STXBP4: variants seen among roughly 807,000 people sequenced by gnomAD.
STXBP4 encodes syntaxin binding protein 4.
In STXBP4, 55 loss-of-function variants were observed where a neutral mutation model predicts 76.1. The observed-to-expected ratio is 0.72, with a 90% CI of 0.58 to 0.91. STXBP4 has a LOEUF of 0.91. STXBP4 is among the 40% of genes least tolerant of loss of function. The probability of loss-of-function intolerance (pLI) is 0.00; values close to 1 mark genes in which losing one functional copy is unlikely to be tolerated. For missense variants in STXBP4, 618 were observed against 636.9 expected (o/e 0.97, Z 0.32); for synonymous variants, 201 against 220.2 (o/e 0.91, Z 0.77).
chr17:55,055,485 A>G (rs1261076891), intron 12 of STXBP4, among the ~76,000 whole-genome samples: 1 of 152,154 alleles, frequency 6.6e-6, no homozygotes, highest in Non-Finnish European at 1.5e-5. Flanking sequence ...ATAGCTTCCT[A>G]CCAGATCACG....
At chr17:55,123,823 C>G (rs2079874282) in intron 16 of STXBP4, among the ~76,000 whole-genome samples, 1 of 151,902 alleles carries the variant, frequency 6.6e-6, no homozygotes, top group South Asian at 2.1e-4. Context: ...TCGCTTGAAC[C>G]CAGGAGGCAG....
At chr17:55,097,136 G>A (rs918484011) in intron 16 of STXBP4, among the ~76,000 whole-genome samples, 1 of 151,386 alleles carries the variant, frequency 6.6e-6, no homozygotes, top group African/African-American at 2.4e-5. Flanking sequence ...GGACTACACA[G>A]TGCTATTTGT....
intron 16 of STXBP4, among the ~76,000 whole-genome samples, chr17:55,083,912 C>T (rs189230555): frequency 6.6e-6 from 1 of 152,290 alleles, no homozygotes; most frequent in Admixed American, 6.5e-5. Flanking sequence ...TTAGACTCCA[C>T]CCGTGTATGG....
At chr17:55,016,610 A>G (rs896890324) in intron 8 of STXBP4, among the ~76,000 whole-genome samples, 5 of 152,126 alleles carry the variant, frequency 3.3e-5, no homozygotes, top group African/African-American at 9.7e-5. Context: ...CCTCGCTATC[A>G]ATTACTGAAT....
intron 16 of STXBP4, among the ~76,000 whole-genome samples, chr17:55,084,576 T>C (rs2079299623): frequency 1.3e-5 from 2 of 151,342 alleles, no homozygotes; most frequent in Admixed American, 6.6e-5. Flanking sequence ...TCCTGAATGG[T>C]AATGCCTAGG....
chr17:55,187,102 T>G, the STXBP4 span, among the ~76,000 whole-genome samples: 4 of 152,236 alleles, frequency 2.6e-5, no homozygotes, highest in African/African-American at 9.6e-5. Flanking sequence ...AGGCGTCTGC[T>G]GAGGTTTCTG....
At chr17:55,110,696 A>G (rs1474188893) in intron 16 of STXBP4, among the ~76,000 whole-genome samples, 3 of 152,222 alleles carry the variant, frequency 2.0e-5, no homozygotes, top group African/African-American at 4.8e-5. Flanking sequence ...GAAAGCAGCC[A>G]TAGATAATAA....
At chr17:55,065,620 G>C (rs560672748) in intron 12 of STXBP4, among the ~76,000 whole-genome samples, 177 of 150,434 alleles carry the variant, frequency 1.2e-3, no homozygotes, top group Non-Finnish European at 2.1e-3. Context: ...TAGGAAAGTA[G>C]CTTTTTTTTT....
At chr17:54,972,042 A>G (rs978782289) in intron 1 of STXBP4, among the ~76,000 whole-genome samples, 1 of 152,216 alleles carries the variant, frequency 6.6e-6, no homozygotes, top group Non-Finnish European at 1.5e-5. Context: ...GGAATATCTT[A>G]GAGGAGATGC....
chr17:55,176,592 A>G (rs2080431804), downstream of STXBP4, among the ~76,000 whole-genome samples: 1 of 152,222 alleles, frequency 6.6e-6, no homozygotes, highest in Non-Finnish European at 1.5e-5. Context: ...GTGAGGCACA[A>G]AAGATCTTAA....
intron 17 of STXBP4, among the ~76,000 whole-genome samples, chr17:55,154,202 G>A (rs944515346): frequency 2.6e-5 from 4 of 152,138 alleles, no homozygotes; most frequent in Non-Finnish European, 5.9e-5. Context: ...CGGATAATGA[G>A]TGAGAGTAGA....
chr17:55,016,430 T>C (rs2078208828), intron 8 of STXBP4, among the ~76,000 whole-genome samples: 2 of 152,182 alleles, frequency 1.3e-5, no homozygotes, highest in African/African-American at 2.4e-5. Context: ...TTCCCATAAA[T>C]AGTTCTTATG....
chr17:55,076,904 T>TTA (rs1247037697), intron 13 of STXBP4, among the ~76,000 whole-genome samples: 1 of 152,206 alleles, frequency 6.6e-6, no homozygotes, highest in African/African-American at 2.4e-5. Flanking sequence ...CCCATTCTCT[T>TTA]TATAATTGTA....
chr17:55,184,153 C>A, the STXBP4 span, among the ~76,000 whole-genome samples: 2 of 151,990 alleles, frequency 1.3e-5, no homozygotes, highest in Admixed American at 1.3e-4. Context: ...TTTATTTCTT[C>A]CTTTATAATT....
downstream of STXBP4, among the ~76,000 whole-genome samples, chr17:55,176,429 G>A (rs549757139): frequency 3.9e-5 from 6 of 152,306 alleles, no homozygotes; most frequent in East Asian, 1.2e-3. Flanking sequence ...GGGGTTCAGT[G>A]TAACCATGTA....
intron 16 of STXBP4, among the ~76,000 whole-genome samples, chr17:55,135,469 A>C (rs925613062): frequency 1.6e-4 from 25 of 152,230 alleles, no homozygotes; most frequent in African/African-American, 6.0e-4. Context: ...TTGCAAGACC[A>C]ATATTAAGGA....
intron 16 of STXBP4, among the ~76,000 whole-genome samples, chr17:55,131,886 C>G (rs1195618598): frequency 6.6e-6 from 1 of 152,186 alleles, no homozygotes; most frequent in Non-Finnish European, 1.5e-5. Flanking sequence ...CCTCAGCCAC[C>G]TGAGTGTCTG....
At chr17:55,190,920 C>T in the STXBP4 span, among the ~76,000 whole-genome samples, 1 of 152,174 alleles carries the variant, frequency 6.6e-6, no homozygotes, top group Admixed American at 6.5e-5. Flanking sequence ...GTGGGGTTTA[C>T]TCAGAGCCAG....
chr17:55,088,481 C>T (rs1209672954), intron 16 of STXBP4, among the ~76,000 whole-genome samples: 1 of 152,152 alleles, frequency 6.6e-6, no homozygotes. Flanking sequence ...CCACAAACTC[C>T]GCCTCCCAGG....
Sources: allele counts gnomAD v4.1 joint callset (sites outside exome capture counted in the v4.1 genomes callset), GRCh38; gene constraint gnomAD v4.1.1; transcripts MANE v1.5; gene names NCBI Gene and HGNC (gene_info 2026-07-23, HGNC 2026-07-21).